Variants in BACH2 observed in about 807,000 individuals in gnomAD.
BACH2 encodes transcription regulator protein BACH2.
A neutral mutation model predicts 61.8 loss-of-function variants in BACH2; 5 were observed. That is an observed-to-expected ratio of 0.08 (90% CI 0.04 to 0.17). The LOEUF (loss-of-function observed/expected upper bound fraction) is 0.17. BACH2 is among the 10% of genes least tolerant of loss of function. The pLI is 1.00. For missense variants in BACH2, 824 were observed against 1,091.1 expected (o/e 0.76, Z 3.45); for synonymous variants, 446 against 440.1 (o/e 1.01, Z -0.17).
chr6:89,955,277 C>T (rs1774363244), intron 6 of BACH2, among the ~76,000 whole-genome samples: 3 of 152,178 alleles, frequency 2.0e-5, no homozygotes, highest in Admixed American at 2.0e-4. Flanking sequence ...CAGGCCTGTG[C>T]TCAAGAGATC....
intron 4 of BACH2, among the ~76,000 whole-genome samples, chr6:90,181,734 C>T (rs1768173085): frequency 1.3e-5 from 2 of 152,022 alleles, no homozygotes; most frequent in Admixed American, 6.6e-5. Flanking sequence ...TACGGCACCA[C>T]CATGCCTGGC....
intron 8 of BACH2, among the ~76,000 whole-genome samples, 160 bp from the exon 9 acceptor site, chr6:89,933,050 G>C (rs756114982): frequency 6.6e-5 from 10 of 152,042 alleles, no homozygotes; most frequent in Non-Finnish European, 1.0e-4. Flanking sequence ...CATATTCAGG[G>C]GGCCCAGACA....
At chr6:90,229,850 G>T (rs764025905) in intron 3 of BACH2, among the ~76,000 whole-genome samples, 5 of 152,168 alleles carry the variant, frequency 3.3e-5, no homozygotes, top group Non-Finnish European at 5.9e-5. Flanking sequence ...GTTGCCCATT[G>T]TGCCGTCGAG....
chr6:90,261,849 A>C (rs1771170123), intron 2 of BACH2, among the ~76,000 whole-genome samples: 1 of 152,078 alleles, frequency 6.6e-6, no homozygotes, highest in Non-Finnish European at 1.5e-5. Flanking sequence ...ACTCATAACC[A>C]ATCAGTTACC....
chr6:90,155,328 G>A (rs1450399717), intron 4 of BACH2, among the ~76,000 whole-genome samples: 1 of 152,172 alleles, frequency 6.6e-6, no homozygotes, highest in Non-Finnish European at 1.5e-5. Context: ...GGCTAGTTAT[G>A]TTTAACTATA....
chr6:90,272,900 C>A (rs1029198597), intron 1 of BACH2, among the ~76,000 whole-genome samples: 11 of 152,152 alleles, frequency 7.2e-5, no homozygotes, highest in African/African-American at 4.8e-5. Context: ...CTCTCGCTAT[C>A]CCCAGCAATT....
intron 4 of BACH2, among the ~76,000 whole-genome samples, chr6:90,130,264 T>C (rs1182349755): frequency 6.6e-6 from 1 of 152,136 alleles, no homozygotes; most frequent in Non-Finnish European, 1.5e-5. Flanking sequence ...TCCTCCAAGA[T>C]AGAGGAGGTC....
At chr6:90,004,540 A>C (rs1777304057) in intron 6 of BACH2, among the ~76,000 whole-genome samples, 1 of 152,172 alleles carries the variant, frequency 6.6e-6, no homozygotes, top group Non-Finnish European at 1.5e-5. Flanking sequence ...CATTCTGTCA[A>C]GGAGCCAGGC....
At chr6:90,006,959 A>AGG (rs1777438200) in intron 6 of BACH2, among the ~76,000 whole-genome samples, 3 of 152,292 alleles carry the variant, frequency 2.0e-5, no homozygotes, top group Admixed American at 2.0e-4. Context: ...CCTGCTCAGC[A>AGG]GGGGTAATAG....
At chr6:89,962,573 A>G (rs562865509) in intron 6 of BACH2, among the ~76,000 whole-genome samples, 159 of 152,298 alleles carry the variant, frequency 1.0e-3, no homozygotes, top group African/African-American at 3.7e-3. Flanking sequence ...GTTTAAAATA[A>G]AACTCTGAAT....
At chr6:90,079,562 C>G (rs186459416) in intron 5 of BACH2, among the ~76,000 whole-genome samples, 1 of 152,246 alleles carries the variant, frequency 6.6e-6, no homozygotes, top group African/African-American at 2.4e-5. Flanking sequence ...CATGTGTAGA[C>G]ACACAACGCA....
chr6:90,173,596 C>A (rs1767889583), intron 4 of BACH2, among the ~76,000 whole-genome samples: 1 of 152,086 alleles, frequency 6.6e-6, no homozygotes, highest in African/African-American at 2.4e-5. Context: ...TGTATGATTT[C>A]ATTTGTATGA....
chr6:90,221,205 G>A (rs1305207376), intron 3 of BACH2, among the ~76,000 whole-genome samples: 1 of 152,178 alleles, frequency 6.6e-6, no homozygotes, highest in Non-Finnish European at 1.5e-5. Flanking sequence ...GTAAAAAGCA[G>A]TAATTTATAC....
chr6:89,979,663 G>C (rs1250330084), intron 6 of BACH2, among the ~76,000 whole-genome samples: 4 of 152,064 alleles, frequency 2.6e-5, no homozygotes, highest in African/African-American at 9.7e-5. Context: ...ATTAATTTCT[G>C]TCTCTCATTG....
At chr6:90,105,152 A>C (rs746596596) in intron 4 of BACH2, among the ~76,000 whole-genome samples, 9 of 152,224 alleles carry the variant, frequency 5.9e-5, no homozygotes, top group Non-Finnish European at 1.0e-4. Flanking sequence ...GCAGATGTGC[A>C]GTTATGCATT....
intron 6 of BACH2, among the ~76,000 whole-genome samples, chr6:89,981,184 T>A (rs992671205): frequency 6.6e-5 from 10 of 151,258 alleles, no homozygotes; most frequent in South Asian, 2.1e-4. Context: ...CAGGCTGGAG[T>A]GCAGTGGCGT....
At chr6:89,971,741 G>A (rs1775370193) in intron 6 of BACH2, among the ~76,000 whole-genome samples, 2 of 152,310 alleles carry the variant, frequency 1.3e-5, no homozygotes, top group Admixed American at 1.3e-4. Flanking sequence ...GACAGAATGA[G>A]AGCCAAGCGA....
At chr6:90,116,687 G>T in intron 4 of BACH2, 1 of 342,534 alleles carries the variant, frequency 2.9e-6, no homozygotes, top group South Asian at 4.5e-5. Context: ...TGGCAGTGAT[G>T]GTCAATACCA....
chr6:90,007,722 A>T (rs912971469), intron 6 of BACH2, among the ~76,000 whole-genome samples: 1 of 152,118 alleles, frequency 6.6e-6, no homozygotes, highest in East Asian at 1.9e-4. Context: ...TAGGGAATCT[A>T]TTTGCAAAAA....
Sources: gnomAD v4.1 joint callset for allele counts (sites outside exome capture counted in the v4.1 genomes callset) on GRCh38, gnomAD v4.1.1 for gene constraint, MANE v1.5 for transcripts, NCBI Gene and HGNC (gene_info 2026-07-23, HGNC 2026-07-21) for gene names.